Variants in PSG9 observed in about 807,000 individuals in gnomAD.
PSG9 encodes the protein pregnancy-specific beta-1-glycoprotein 9.
PSG9 carries 49 observed loss-of-function variants against 41.9 expected under a neutral mutation model. The ratio of observed to expected loss-of-function variants is 1.17; its 90% confidence interval spans 0.93 to 1.48. PSG9 has a LOEUF of 1.48. Ranked by LOEUF, PSG9 falls within the 40% of genes most tolerant of loss-of-function variation. The pLI, the probability that PSG9 is intolerant of heterozygous loss-of-function variation, is 0.00. For missense variants in PSG9, 641 were observed against 520.3 expected (o/e 1.23, Z -2.26); for synonymous variants, 263 against 196.8 (o/e 1.34, Z -2.82).
chr19:43,265,744 T>C (rs1012743623), intron 2 of PSG9, among the ~76,000 whole-genome samples: 14 of 152,150 alleles, frequency 9.2e-5, no homozygotes, highest in Non-Finnish European at 2.1e-4. Context: ...GAAGAACTTG[T>C]CTGGCAATTA....
chr19:43,269,247 A>G, intron 1 of PSG9, 121 bp downstream of exon 1: 1 of 1,525,878 alleles, frequency 6.6e-7, no homozygotes. Flanking sequence ...CTCGTGATCC[A>G]CCCACCTCAG....
At chr19:43,266,610 C>G (rs1377904629) in intron 2 of PSG9, among the ~76,000 whole-genome samples, 2 of 152,070 alleles carry the variant, frequency 1.3e-5, no homozygotes, top group African/African-American at 4.8e-5. Context: ...TTTGCACTGA[C>G]TCTGATGGTT....
In PSG9 at chr19:43,258,963, T is replaced by G. The variant is rs112446629; in HGVS notation, c.882A>C (p.Ile294=). Residue 294 remains isoleucine (I), a synonymous_variant, in exon 4 of 6, where the codon ATA becomes ATC. Coordinates refer to ENST00000270077, the MANE Select transcript of PSG9 (RefSeq NM_002784.5). The part of the protein sequence containing the change: ...PGVKRPIENR[I]LILPSVTRNE... ...TTCTCGTGACACTGGGTAGAATGAGTATCCTGTTTTCAATGGGTCGCTTTA... is the reference window on the plus strand; with the variant it reads ...TTCTCGTGACACTGGGTAGAATGAGGATCCTGTTTTCAATGGGTCGCTTTA... 6.1e-3 allele frequency: 9,689 copies of G among 1,589,870 alleles called. 841 individuals are homozygous for G. The highest frequency in any genetic ancestry group is 0.016 in the African/African-American group (1,108 of 70,320).
chr19:43,261,355 G>C (rs540220694), intron 3 of PSG9, among the ~76,000 whole-genome samples: 164 of 152,284 alleles, frequency 1.1e-3, no homozygotes, highest in African/African-American at 3.9e-3. Context: ...AATCAGCCAA[G>C]AATGCTCTGC....
At position 43,267,279 on chromosome 19, in the gene PSG9, C is replaced by T. The variant is rs553111801; in HGVS notation, c.430+505G>A. Among the ~76,000 whole-genome samples the T allele has an allele frequency of 1.7e-4, 26 of 152,266 alleles. 1 individual carries two copies. Among genetic ancestry groups the T allele is most frequent in the African/African-American group, 5.3e-4 (22 of 41,548 alleles). ...GTGAACAGCTCCAGGAGACACAGTC[C>T]TCAGACAGCTGGTAAATTCTTGGTC... On this transcript the variant is annotated intron_variant, in intron 2 of 5. Transcript: ENST00000270077.
chr19:43,263,344 A>AT (rs1235855259), intron 2 of PSG9, among the ~76,000 whole-genome samples: 1 of 152,016 alleles, frequency 6.6e-6, no homozygotes, highest in Non-Finnish European at 1.5e-5. Context: ...TGGATTTCTA[A>AT]TTTTTTTTAT....
chr19:43,264,136 A>G (rs1968855243), intron 2 of PSG9, among the ~76,000 whole-genome samples: 1 of 152,078 alleles, frequency 6.6e-6, no homozygotes, highest in Non-Finnish European at 1.5e-5. Context: ...AAATAGTTGT[A>G]TGAGACACAG....
Position 43,253,532 on chromosome 19 carries a change from T to G in PSG9, c.*77A>C, listed in dbSNP as rs185134718. On this transcript the variant is annotated 3_prime_UTR_variant, in exon 6 of 6. Coordinates refer to ENST00000270077, the MANE Select transcript of PSG9 (RefSeq NM_002784.5). The stretch of plus-strand genomic sequence containing the variant: ...TTTTGATTATTTAGTCCAATAACAT[T>G]GAGTTTTTTTCTTCTTTGTCTTGAA... 4.2e-4 allele frequency: 263 copies of G among 619,240 alleles called. 32 individuals carry two copies. In the African/African-American group the frequency reaches 4.8e-3, roughly 11 times the overall value. The allele number at this position is 619,240 out of a possible 1,614,324, so 38.4% of individuals were successfully genotyped here.
At chr19:43,257,924 T>A (rs1206659184) in intron 5 of PSG9, 3 of 1,416,328 alleles carry the variant, frequency 2.1e-6, no homozygotes, top group Non-Finnish European at 2.8e-6. Context: ...CTCCTTCTTG[T>A]CCCTCTCTGA....
chr19:43,257,723 G>C lies in PSG9; in HGVS notation c.1243+479C>G, dbSNP rs1291611143. 3.4e-6 allele frequency: 4 copies of C among 1,174,450 alleles called. No homozygotes were observed. In the African/African-American group the frequency reaches 5.1e-5, roughly 15 times the overall value. The allele number at this position is 1,174,450 out of a possible 1,614,324, so 72.8% of individuals were successfully genotyped here. ...CCAGTCACCAGAGGAGCCCGGAGCAGAGCAGGAAGCAGAGTCTGAGCTGCT... is the reference window on the plus strand; with the variant it reads ...CCAGTCACCAGAGGAGCCCGGAGCACAGCAGGAAGCAGAGTCTGAGCTGCT... On this transcript the variant is annotated intron_variant, in intron 5 of 5. Coordinates refer to ENST00000270077, the MANE Select transcript of PSG9 (RefSeq NM_002784.5).
At chr19:43,269,066 G>A (rs573395503) in intron 1 of PSG9, among the ~76,000 whole-genome samples, 4 of 151,858 alleles carry the variant, frequency 2.6e-5, no homozygotes, top group South Asian at 2.1e-4. Context: ...GTGCAGTGGC[G>A]GTATCTCGGC....
chr19:43,257,605 C>G (rs1247008703), intron 5 of PSG9: 7 of 991,902 alleles, frequency 7.1e-6, no homozygotes, highest in Non-Finnish European at 8.3e-6. Context: ...GGCTTGGCTT[C>G]AACTGGCAGC....
chr19:43,263,591 CA>C (rs201166241), intron 2 of PSG9, among the ~76,000 whole-genome samples: 7,534 of 125,264 alleles, frequency 0.06, 241 homozygotes, highest in South Asian at 0.12. Flanking sequence ...ACTCTAGTAA[CA>C]AAAAAAAAAA....
chr19:43,264,840 G>C (rs1862025225), intron 2 of PSG9, among the ~76,000 whole-genome samples: 1 of 152,176 alleles, frequency 6.6e-6, no homozygotes, highest in Admixed American at 6.5e-5. Flanking sequence ...TTCCAAGCTT[G>C]TTATATGCCT....
chr19:43,261,845 A>G lies in PSG9; in HGVS notation c.709+15T>C. The stretch of plus-strand genomic sequence containing the variant: ...GGATGGCAGCCTGGCTCACAGAGGA[A>G]CAGAAGATACTCACGGAGGAGATTC... On this transcript the variant is annotated intron_variant, in intron 3 of 5. Coordinates refer to ENST00000270077, the MANE Select transcript of PSG9 (RefSeq NM_002784.5). 6.2e-7 allele frequency: 1 copy of G among 1,614,022 alleles called. No homozygotes were observed. The highest frequency in any genetic ancestry group is 1.1e-5 in the South Asian group (1 of 91,072).
At chr19:43,262,733 G>A (rs8111773) in intron 2 of PSG9, among the ~76,000 whole-genome samples, 10,949 of 152,150 alleles carry the variant, frequency 0.072, 911 homozygotes, top group African/African-American at 0.2. Flanking sequence ...GGGGCAGTTT[G>A]CAGTTTTCCC....
intron 2 of PSG9, among the ~76,000 whole-genome samples, chr19:43,262,399 C>A (rs1227333840): frequency 6.6e-6 from 1 of 152,090 alleles, no homozygotes; most frequent in Non-Finnish European, 1.5e-5. Context: ...AGACACAGGA[C>A]CAGCAGTCAC....
chr19:43,262,901 T>C (rs62115904), intron 2 of PSG9, among the ~76,000 whole-genome samples: 30,698 of 152,168 alleles, frequency 0.2, 3,905 homozygotes, highest in East Asian at 0.48. Context: ...CTTCCCCCTG[T>C]AGAGGGCAGG....
intron 2 of PSG9, among the ~76,000 whole-genome samples, chr19:43,262,578 G>C (rs1196314104): frequency 2.0e-5 from 3 of 152,182 alleles, no homozygotes; most frequent in African/African-American, 7.2e-5. Context: ...CCTAGAGATG[G>C]GTGATGGAAC....
Sources: gnomAD v4.1 joint callset for allele counts (sites outside exome capture counted in the v4.1 genomes callset) on GRCh38, gnomAD v4.1.1 for gene constraint, MANE v1.5 for transcripts, NCBI Gene and HGNC (gene_info 2026-07-23, HGNC 2026-07-21) for gene names.